The following PPM1H variants were observed in gnomAD, a reference collection of about 807,000 sequenced individuals.
The protein encoded by PPM1H is protein phosphatase 1H.
A neutral mutation model predicts 54.9 loss-of-function variants in PPM1H; 27 were observed. The ratio of observed to expected loss-of-function variants is 0.49; its 90% CI spans 0.36 to 0.68. PPM1H has a LOEUF of 0.68. Among genes scored for constraint, PPM1H ranks in the 30% least tolerant of loss-of-function variants. The pLI, the probability that PPM1H is intolerant of heterozygous loss-of-function variation, is 0.00. For missense variants in PPM1H, 596 were observed against 667.8 expected (o/e 0.89, Z 1.19); for synonymous variants, 305 against 270.8 (o/e 1.13, Z -1.24).
In PPM1H at chr12:62,930,144, GAGAC is replaced by G. The variant is rs766630120; in HGVS notation, c.245+4344_245+4347del. Among the ~76,000 whole-genome samples, 8 of 152,294 alleles carry G rather than the reference GAGAC, an allele frequency of 5.3e-5. No individual in the cohort carries two copies. The East Asian group carries it at 1.5e-3, about 29-fold the overall frequency. On this transcript the variant is annotated intron_variant, in intron 1 of 9. Coordinates refer to ENST00000228705, the MANE Select transcript of PPM1H (RefSeq NM_020700.2). ...TAAGCAATTAGTGCCAATGACCAAG[GAGAC>G]AGACAGCCTGCAGAGTCCAAAACAA...
chr12:62,934,648 C>A lies in PPM1H; in HGVS notation c.89G>T (p.Cys30Phe), dbSNP rs751856719. The A allele has an allele frequency of 3.1e-6, 5 of 1,595,790 alleles. No individual in the cohort carries two copies. Among genetic ancestry groups the A allele is most frequent in the Non-Finnish European group, 4.3e-6 (5 of 1,172,802 alleles). ...ACGCAGGGGCAGGTCCGAGCCTCCG[C>A]AGCTGCCGCCGCCGTGCTCGGAGCC... Reference protein sequence around the residue: ...SSGSEHGGGSCGGSDLPLRFP... With the variant: ...SSGSEHGGGSFGGSDLPLRFP... Residue 30 changes from cysteine (C) to phenylalanine (F), a missense_variant, in exon 1 of 10, where the codon TGC (cysteine) becomes TTC (phenylalanine). Coordinates refer to ENST00000228705, the MANE Select transcript of PPM1H (RefSeq NM_020700.2). This position sits in a 1 kb window ranked among gnomAD's most constrained non-coding sequence, Gnocchi z 4.2.
At chr12:62,792,315 AT>A (rs373051726) in intron 3 of PPM1H, among the ~76,000 whole-genome samples, 7 of 152,068 alleles carry the variant, frequency 4.6e-5, no homozygotes, top group African/African-American at 1.2e-4. Flanking sequence ...GTGACTCAAT[AT>A]TTTTTTTCTA....
intron 1 of PPM1H, among the ~76,000 whole-genome samples, chr12:62,926,717 G>A (rs1871980420): frequency 6.6e-6 from 1 of 152,168 alleles, no homozygotes; most frequent in South Asian, 2.1e-4. Flanking sequence ...CACTTTGGGA[G>A]GCCGAGGTGG....
chr12:62,658,501 C>G (rs531605428), intron 9 of PPM1H, among the ~76,000 whole-genome samples: 2 of 152,212 alleles, frequency 1.3e-5, no homozygotes, highest in African/African-American at 2.4e-5. Context: ...GAACCTCCAG[C>G]CTTACAGAGG....
At chr12:62,685,384 G>A (rs17098170) in intron 8 of PPM1H, among the ~76,000 whole-genome samples, 2,349 of 152,214 alleles carry the variant, frequency 0.015, 53 homozygotes, top group Admixed American at 0.064. Flanking sequence ...TACTTGGTAC[G>A]TCCCTAAACA....
chr12:62,655,430 CTACCT>C (rs2075838578), intron 9 of PPM1H, among the ~76,000 whole-genome samples: 1 of 152,224 alleles, frequency 6.6e-6, no homozygotes, highest in African/African-American at 2.4e-5. Context: ...TCTCCAATTT[CTACCT>C]TACATCAGGG....
chr12:62,779,393 C>A (rs1464509223), intron 4 of PPM1H, among the ~76,000 whole-genome samples: 1 of 152,188 alleles, frequency 6.6e-6, no homozygotes, highest in African/African-American at 2.4e-5. Flanking sequence ...AGCACAACAT[C>A]CTTGCTAGGT....
rs2075780334 is a variant in PPM1H, at chr12:62,645,622, G to A, written c.*2867C>T. 1 of 152,158 alleles carries A rather than the reference G, an allele frequency of 6.6e-6. No individual in the cohort carries two copies. Among genetic ancestry groups the A allele is most frequent in the Non-Finnish European group, 1.5e-5 (1 of 68,066 alleles). 9.4% of individuals were successfully genotyped at this position (152,158 alleles called of 1,614,324 possible). A position where few individuals can be genotyped will look rare whatever the true frequency, so the allele number is the denominator to read the frequency against. On this transcript the variant is annotated 3_prime_UTR_variant, in exon 10 of 10. Transcript: ENST00000228705. ...ATGGACGGACTGAGTTTGTTCTAAG[G>A]AAAGGAGTTTCACCAGATAGTCTGA...
In PPM1H at chr12:62,756,195, G is replaced by T. The variant is rs1014429633; in HGVS notation, c.870-18609C>A. 5 of 864,786 alleles carry T rather than the reference G, an allele frequency of 5.8e-6. No individual in the cohort carries two copies. The African/African-American group carries it at 8.3e-5, about 14-fold the overall frequency. The allele number at this position is 864,786 out of a possible 1,614,324, so 53.6% of individuals were successfully genotyped here. A position where few individuals can be genotyped will look rare whatever the true frequency, so the allele number is the denominator to read the frequency against. ...CAATGAATTTGGCTACAGCAACAGG[G>T]TGGTGGACCTCATGGCCCACATGAC... On this transcript the variant is annotated intron_variant, in intron 4 of 9. Coordinates refer to ENST00000228705, the MANE Select transcript of PPM1H (RefSeq NM_020700.2).
At chr12:62,779,323 A>G (rs1461375033) in intron 4 of PPM1H, among the ~76,000 whole-genome samples, 1 of 152,224 alleles carries the variant, frequency 6.6e-6, no homozygotes, top group Non-Finnish European at 1.5e-5. Flanking sequence ...CTGGGATTAC[A>G]GGCGTGAGCC....
intron 1 of PPM1H, among the ~76,000 whole-genome samples, chr12:62,852,794 G>A (rs1869244849): frequency 6.6e-6 from 1 of 152,220 alleles, no homozygotes; most frequent in Non-Finnish European, 1.5e-5. Flanking sequence ...ATCAAACATG[G>A]GTCCTGTGAG....
chr12:62,689,996 G>C (rs1340275124), intron 7 of PPM1H, among the ~76,000 whole-genome samples, 190 bp from the exon 8 acceptor site: 1 of 152,176 alleles, frequency 6.6e-6, no homozygotes, highest in African/African-American at 2.4e-5. Context: ...AATCACTTCT[G>C]TATTTGAGGA....
intron 4 of PPM1H, 102 bp from the exon 5 acceptor site, chr12:62,737,688 G>T: frequency 3.8e-6 from 3 of 793,644 alleles, no homozygotes; most frequent in South Asian, 2.1e-5. Context: ...GCCAAGAGAT[G>T]TTTTTGTTTT....
chr12:62,785,431 C>G (rs1339622443), intron 4 of PPM1H, among the ~76,000 whole-genome samples: 1 of 152,232 alleles, frequency 6.6e-6, no homozygotes, highest in Non-Finnish European at 1.5e-5. Flanking sequence ...CCCGCCTTGG[C>G]CTCCCAAAGT....
intron 4 of PPM1H, among the ~76,000 whole-genome samples, chr12:62,742,188 C>G (rs891470133): frequency 1.3e-5 from 2 of 152,204 alleles, no homozygotes; most frequent in South Asian, 4.1e-4. Flanking sequence ...ACTGCCAGGG[C>G]AAGCCTAGTT....
At chr12:62,843,256 G>A (rs978207170) in intron 1 of PPM1H, among the ~76,000 whole-genome samples, 1 of 152,192 alleles carries the variant, frequency 6.6e-6, no homozygotes, top group Admixed American at 6.5e-5. Flanking sequence ...GGTGGAGGAT[G>A]CAGTGAGCCG....
intron 1 of PPM1H, among the ~76,000 whole-genome samples, chr12:62,845,758 G>A (rs1382593797): frequency 6.6e-6 from 1 of 152,098 alleles, no homozygotes; most frequent in Non-Finnish European, 1.5e-5. Flanking sequence ...ATCTCTGGGG[G>A]TGCCTGGCCT....
intron 2 of PPM1H, among the ~76,000 whole-genome samples, chr12:62,830,946 T>C (rs4763037): frequency 0.28 from 43,089 of 151,422 alleles, 7,683 homozygotes; most frequent in African/African-American, 0.51. Context: ...CTCTGCCTCC[T>C]GGGTTCACGC....
At chr12:62,654,217 CAAAAAA>C (rs57812590) in intron 9 of PPM1H, among the ~76,000 whole-genome samples, 20 of 65,442 alleles carry the variant, frequency 3.1e-4, no homozygotes, top group East Asian at 5.0e-4. Flanking sequence ...GACTCTTTCT[CAAAAAA>C]AAAAAAAAAA....
Sources: allele counts gnomAD v4.1 joint callset (sites outside exome capture counted in the v4.1 genomes callset), GRCh38; gene constraint gnomAD v4.1.1; non-coding constraint Gnocchi (gnomAD v3.1); transcripts MANE v1.5; gene names NCBI Gene and HGNC (gene_info 2026-07-23, HGNC 2026-07-21).